The following SCP2 variants were observed in gnomAD, a reference collection of about 807,000 sequenced individuals.
SCP2 encodes SCP-2/3-oxoacyl-CoA thiolase.
In SCP2, 48 loss-of-function variants were observed where a neutral mutation model predicts 71.4. The observed-to-expected ratio is 0.67, with a 90% confidence interval of 0.53 to 0.86. The LOEUF is 0.86. Among genes scored for constraint, SCP2 ranks in the 40% least tolerant of loss-of-function variants. SCP2 has a pLI of 0.00. For missense variants in SCP2, 560 were observed against 655.6 expected (o/e 0.85, Z 1.59); for synonymous variants, 220 against 218.1 (o/e 1.01, Z -0.08).
chr1:52,980,655 C>CCCACA, intron 10 of SCP2, 112 bp downstream of exon 10: 1 of 1,097,970 alleles, frequency 9.1e-7, no homozygotes, highest in Non-Finnish European at 1.4e-6. Flanking sequence ...GTTGGCTCTG[C>CCCACA]CACACTGTGG....
intron 6 of SCP2, among the ~76,000 whole-genome samples, chr1:52,967,653 C>A (rs1411603969): frequency 6.6e-6 from 1 of 152,020 alleles, no homozygotes; most frequent in Non-Finnish European, 1.5e-5. Flanking sequence ...AAGAGAAAGA[C>A]AAAAAGATCT....
chr1:53,018,770 G>T (rs1246716346), intron 12 of SCP2, among the ~76,000 whole-genome samples: 3 of 151,386 alleles, frequency 2.0e-5, no homozygotes, highest in African/African-American at 7.3e-5. Context: ...AGAAAGACAT[G>T]GATACAATAC....
chr1:52,935,642 G>A lies in SCP2; in HGVS notation c.70-6154G>A, dbSNP rs114009826. 2.9e-3 allele frequency among the ~76,000 whole-genome samples: 435 copies of A among 150,370 alleles called. 4 individuals carry two copies. The highest frequency in any genetic ancestry group is 1.0e-2 in the African/African-American group (410 of 41,134). ...CCTGTCTCAAGAAAAAAAAAGGAAT[G>A]TCCACACTCGGTTGGGTCTAGTGAG... is the stretch of plus-strand genomic sequence containing the variant. On this transcript the variant is annotated intron_variant, in intron 1 of 15. Transcript: ENST00000371514.
At chr1:52,949,671 A>C (rs1655117447) in intron 3 of SCP2, among the ~76,000 whole-genome samples, 1 of 152,218 alleles carries the variant, frequency 6.6e-6, no homozygotes, top group African/African-American at 2.4e-5. Context: ...GGAGGAAGTA[A>C]CTTGTGGAAT....
At chr1:52,963,798 A>C (rs1415194030) in intron 6 of SCP2, 1 of 152,192 alleles carries the variant, frequency 6.6e-6, no homozygotes, top group African/African-American at 2.4e-5. Context: ...AGGTGATAGG[A>C]GAGGGTTTCA....
At chr1:52,946,908 G>C (rs1211540742) in intron 2 of SCP2, among the ~76,000 whole-genome samples, 2 of 151,508 alleles carry the variant, frequency 1.3e-5, no homozygotes. Context: ...AACACAAAAA[G>C]TAGTGTGGTG....
At chr1:53,041,199 C>T (rs1226823871) in intron 14 of SCP2, among the ~76,000 whole-genome samples, 2 of 151,908 alleles carry the variant, frequency 1.3e-5, no homozygotes, top group African/African-American at 4.8e-5. Flanking sequence ...ATCAGGAGTT[C>T]GAGACCAGCA....
chr1:52,937,087 G>A (rs1557542806), intron 1 of SCP2, among the ~76,000 whole-genome samples: 2 of 151,854 alleles, frequency 1.3e-5, no homozygotes, highest in African/African-American at 4.8e-5. Context: ...TGTAAGAAGG[G>A]TAAGAGATAT....
chr1:52,975,191 AT>A (rs887769979), intron 7 of SCP2, among the ~76,000 whole-genome samples: 1 of 147,428 alleles, frequency 6.8e-6, no homozygotes, highest in African/African-American at 2.5e-5. Flanking sequence ...TATTATTATT[AT>A]TTTTTTTAGA....
At chr1:53,035,918 G>C (rs903539019) in intron 13 of SCP2, among the ~76,000 whole-genome samples, 2 of 151,544 alleles carry the variant, frequency 1.3e-5, no homozygotes, top group Non-Finnish European at 2.9e-5. Context: ...TACTCGGGAG[G>C]CTGAGGCAGG....
In SCP2 at chr1:52,974,790, C is replaced by CA. The variant is rs1572119109; in HGVS notation, c.550dup (p.Ile184AsnfsTer7). 2 of 1,549,334 alleles carry CA rather than the reference C, an allele frequency of 1.3e-6. No homozygotes were observed. Among genetic ancestry groups the CA allele is most frequent in the Non-Finnish European group, 8.9e-7 (1 of 1,121,130 alleles). ...ACAGGAACAAAAATTGAACACTTTG[C>CA]AAAAATTGGATGGAAAAATCATAAA... On this transcript the variant is annotated frameshift_variant, in exon 7 of 16. Coordinates refer to ENST00000371514, the MANE Select transcript of SCP2 (RefSeq NM_002979.5). LOFTEE classifies it high-confidence loss of function.
At chr1:52,955,639 CT>C (rs1324298473) in intron 5 of SCP2, among the ~76,000 whole-genome samples, 6 of 152,144 alleles carry the variant, frequency 3.9e-5, no homozygotes, top group African/African-American at 1.4e-4. Context: ...TCCAGGAAAC[CT>C]CAAACCATGA....
At chr1:53,010,683 C>T (rs917473202) in intron 11 of SCP2, among the ~76,000 whole-genome samples, 2 of 151,972 alleles carry the variant, frequency 1.3e-5, no homozygotes, top group African/African-American at 2.4e-5. Context: ...ATATAAATGA[C>T]GAGTTAATGG....
At position 52,927,305 on chromosome 1, in the gene SCP2, G is replaced by C. The variant is rs964455273; in HGVS notation, c.-92G>C. The C allele has an allele frequency of 1.3e-5, 15 of 1,165,162 alleles. No homozygotes were observed. In the African/African-American group the frequency reaches 2.3e-4, roughly 18 times the overall value. 72.2% of individuals were successfully genotyped at this position (1,165,162 alleles called of 1,614,324 possible). A position where few individuals can be genotyped will look rare whatever the true frequency, so the allele number is the denominator to read the frequency against. On this transcript the variant is annotated 5_prime_UTR_variant, in exon 1 of 16. Coordinates refer to ENST00000371514, the MANE Select transcript of SCP2 (RefSeq NM_002979.5). Reference sequence around the variant, plus strand: ...GCCTGTGTTGCCGCCCGCGGCCCTGGCTTCGGGCTTCAGGGAGCTCTGGTG... The same window carrying C: ...GCCTGTGTTGCCGCCCGCGGCCCTGCCTTCGGGCTTCAGGGAGCTCTGGTG...
At chr1:52,940,767 T>C (rs1654158072) in intron 1 of SCP2, among the ~76,000 whole-genome samples, 1 of 152,164 alleles carries the variant, frequency 6.6e-6, no homozygotes, top group African/African-American at 2.4e-5. Context: ...ATTTTATTTT[T>C]GGAGACAGAG....
intron 10 of SCP2, among the ~76,000 whole-genome samples, chr1:52,985,414 A>G (rs556380736): frequency 6.6e-6 from 1 of 152,224 alleles, no homozygotes; most frequent in South Asian, 2.1e-4. Flanking sequence ...CCTGTTGGCT[A>G]TGGACTCTAC....
At chr1:52,937,029 T>G (rs972220825) in intron 1 of SCP2, among the ~76,000 whole-genome samples, 1 of 152,124 alleles carries the variant, frequency 6.6e-6, no homozygotes, top group African/African-American at 2.4e-5. Flanking sequence ...ATGTACTTAA[T>G]AAAGCAAACA....
At chr1:52,962,030 T>C (rs1656511324) in intron 6 of SCP2, among the ~76,000 whole-genome samples, 1 of 152,148 alleles carries the variant, frequency 6.6e-6, no homozygotes, top group Admixed American at 6.5e-5. Flanking sequence ...GCCTCTCGAA[T>C]AGCTGGGACT....
chr1:53,043,213 T>C (rs950246159), intron 14 of SCP2, among the ~76,000 whole-genome samples: 1 of 152,328 alleles, frequency 6.6e-6, no homozygotes, highest in South Asian at 2.1e-4. Context: ...AATGGTCTTA[T>C]CTAAATATGA....
Sources: allele counts gnomAD v4.1 joint callset (sites outside exome capture counted in the v4.1 genomes callset), GRCh38; gene constraint gnomAD v4.1.1; transcripts MANE v1.5; gene names NCBI Gene and HGNC (gene_info 2026-07-23, HGNC 2026-07-21).